TWIST2: variants seen among roughly 807,000 people sequenced by gnomAD.
TWIST2 encodes twist family bHLH transcription factor 2, also known as twist-related protein 2.
A neutral mutation model predicts 11.6 loss-of-function variants in TWIST2; 1 was observed. That is an observed-to-expected ratio of 0.09 (90% CI 0.03 to 0.41). The LOEUF (loss-of-function observed/expected upper bound fraction) is 0.41, where lower values mean the gene tolerates loss of function less well. TWIST2 is among the 10% of genes least tolerant of loss of function. TWIST2 has a pLI of 0.98. For missense variants in TWIST2, 168 were observed against 226.4 expected, an observed-to-expected ratio of 0.74 and a Z score of 1.66; for synonymous variants, 87 against 96.6, an observed-to-expected ratio of 0.90 and a Z score of 0.58.
intron 1 of TWIST2, among the ~76,000 whole-genome samples, chr2:238,860,022 G>A (rs1574748513): frequency 6.6e-6 from 1 of 152,174 alleles, no homozygotes; most frequent in South Asian, 2.1e-4. Flanking sequence ...TGTAGTGGGG[G>A]AGTCTGGTAC....
chr2:238,877,327 A>G (rs746074270), intron 1 of TWIST2, among the ~76,000 whole-genome samples: 7 of 152,198 alleles, frequency 4.6e-5, no homozygotes, highest in Non-Finnish European at 1.0e-4. Flanking sequence ...ATTATGAAAA[A>G]GAAATAGACA....
At position 238,861,953 on chromosome 2, in the gene TWIST2, G is replaced by C. The variant is rs147594867; in HGVS notation, c.*35+13220G>C. On this transcript the variant is annotated intron_variant, in intron 1 of 1. Coordinates refer to ENST00000612363, the MANE Select transcript of TWIST2 (RefSeq NM_001271893.4). ...GTACCATCCTTGGGATCGAGCATCCGCTGGGGGTCTTGGTGTGTATCCCTG... is the reference window on the plus strand; with the variant it reads ...GTACCATCCTTGGGATCGAGCATCCCCTGGGGGTCTTGGTGTGTATCCCTG... Among the ~76,000 whole-genome samples, 652 of 152,278 alleles carry C rather than the reference G, an allele frequency of 4.3e-3. 4 individuals are homozygous for C. The highest frequency in any genetic ancestry group is 0.015 in the African/African-American group (614 of 41,548).
At chr2:238,903,030 TGTGATGTGTGAGGTGTG>T (rs1693295766) in intron 1 of TWIST2, among the ~76,000 whole-genome samples, 1 of 102,186 alleles carries the variant, frequency 9.8e-6, no homozygotes, top group Admixed American at 1.0e-4. Flanking sequence ...TGTGGGTGTG[TGTGATGTGTGAGGTGTG>T]TGTGATGTGT....
chr2:238,897,387 T>C (rs2106371718), intron 1 of TWIST2, among the ~76,000 whole-genome samples: 1 of 152,232 alleles, frequency 6.6e-6, no homozygotes, highest in East Asian at 1.9e-4. Flanking sequence ...GAGGGGAGCC[T>C]GACCCCCAAG....
chr2:238,903,022 T>TG (rs1429116315), intron 1 of TWIST2, among the ~76,000 whole-genome samples: 31,982 of 37,932 alleles, frequency 0.84, 15,664 homozygotes, highest in Admixed American at 0.87. Flanking sequence ...GTGTGTGATG[T>TG]GGGTGTGTGT....
chr2:238,857,283 T>C (rs1023995919), intron 1 of TWIST2, among the ~76,000 whole-genome samples: 7 of 152,290 alleles, frequency 4.6e-5, no homozygotes, highest in Admixed American at 2.0e-4. Flanking sequence ...TGGACGGGCC[T>C]TGGAGCCCAT....
Position 238,848,572 on chromosome 2 carries a change from G to C in TWIST2, c.357G>C (p.Gln119His). The C allele has an allele frequency of 6.3e-7, 1 of 1,582,950 alleles. No homozygotes were observed. The highest frequency in any genetic ancestry group is 1.3e-5 in the African/African-American group (1 of 74,322). Residue 119 changes from glutamine (Q) to histidine (H), a missense_variant, in exon 1 of 2, where the codon CAG becomes CAC. Transcript: ENST00000612363. The part of the protein sequence containing the change: ...LAARYIDFLY[Q>H]VLQSDEMDNK... ...CCAGGTACATAGACTTCCTCTACCA[G>C]GTCCTGCAGAGCGACGAGATGGACA...
intron 1 of TWIST2, among the ~76,000 whole-genome samples, chr2:238,908,766 GTT>G (rs1333353121): frequency 6.7e-6 from 1 of 149,890 alleles, no homozygotes; most frequent in African/African-American, 2.5e-5. Flanking sequence ...TGTGGTATGT[GTT>G]TGTGTATGAG....
chr2:238,885,364 A>G (rs1693014843), intron 1 of TWIST2, among the ~76,000 whole-genome samples: 1 of 152,128 alleles, frequency 6.6e-6, no homozygotes, highest in Non-Finnish European at 1.5e-5. Flanking sequence ...GTGGTGGAAA[A>G]TGAAAAAACT....
intron 1 of TWIST2, among the ~76,000 whole-genome samples, chr2:238,899,176 T>C (rs1393950882): frequency 6.6e-6 from 1 of 152,264 alleles, no homozygotes; most frequent in Non-Finnish European, 1.5e-5. Context: ...CTGCTTGGTC[T>C]GCACGGTCCC....
At chr2:238,902,979 G>GT (rs1693293931) in intron 1 of TWIST2, among the ~76,000 whole-genome samples, 4 of 4,130 alleles carry the variant, frequency 9.7e-4, no homozygotes, top group Admixed American at 3.1e-3. Context: ...TGTGTGATGT[G>GT]GGTGTGTGAT....
intron 1 of TWIST2, among the ~76,000 whole-genome samples, chr2:238,899,203 C>T (rs2106372395): frequency 6.6e-6 from 1 of 152,380 alleles, no homozygotes; most frequent in African/African-American, 2.4e-5. Context: ...CCTAAGGCTT[C>T]AGCTGCTGGT....
intron 1 of TWIST2, among the ~76,000 whole-genome samples, chr2:238,892,078 CTGGA>C (rs1257800486): frequency 5.9e-5 from 9 of 152,180 alleles, no homozygotes; most frequent in Non-Finnish European, 1.3e-4. Context: ...GGTGTGTGGA[CTGGA>C]ACCCGCCTGC....
At chr2:238,893,365 T>C (rs1035336435) in intron 1 of TWIST2, among the ~76,000 whole-genome samples, 5 of 152,204 alleles carry the variant, frequency 3.3e-5, no homozygotes, top group African/African-American at 1.2e-4. Flanking sequence ...GTTACAGATA[T>C]GGCTTATGGT....
In TWIST2 at chr2:238,864,575, C is replaced by T. The variant is rs1228645123; in HGVS notation, c.*35+15842C>T. ...CCAGGTCAGCCTGGGGAGGGGAGAA[C>T]TAAGGGCACCAGGCAGCCCACCCGG... On this transcript the variant is annotated intron_variant, in intron 1 of 1. Coordinates refer to ENST00000612363, the MANE Select transcript of TWIST2 (RefSeq NM_001271893.4). This position sits in a 1 kb window ranked among gnomAD's most constrained non-coding sequence, Gnocchi z 4.7. Among the ~76,000 whole-genome samples, 1 of 152,014 alleles carries T rather than the reference C, an allele frequency of 6.6e-6. No individual in the cohort carries two copies. The highest frequency in any genetic ancestry group is 6.5e-5 in the Admixed American group (1 of 15,268).
intron 1 of TWIST2, among the ~76,000 whole-genome samples, chr2:238,893,773 A>T (rs996291730): frequency 2.0e-5 from 3 of 152,092 alleles, no homozygotes; most frequent in Non-Finnish European, 4.4e-5. Flanking sequence ...GTCCCACCAA[A>T]CGTGTGGAAG....
intron 1 of TWIST2, among the ~76,000 whole-genome samples, chr2:238,906,147 A>G (rs1693351230): frequency 6.6e-6 from 1 of 151,894 alleles, no homozygotes; most frequent in Admixed American, 6.6e-5. Flanking sequence ...GGGTTGGGAG[A>G]GGGCTGGGGG....
At chr2:238,909,193 G>GTGTGGTGT (rs1370236484) in intron 1 of TWIST2, among the ~76,000 whole-genome samples, 28 of 5,378 alleles carry the variant, frequency 5.2e-3, no homozygotes, top group Non-Finnish European at 5.8e-3. Context: ...TGGTATGTTT[G>GTGTGGTGT]GTGTGTGTGT....
At chr2:238,869,510 T>G (rs980579680) in intron 1 of TWIST2, among the ~76,000 whole-genome samples, 5 of 152,194 alleles carry the variant, frequency 3.3e-5, no homozygotes, top group African/African-American at 1.2e-4. Context: ...ACAATAAAAA[T>G]TAGATAGCCT....
Sources: gnomAD v4.1 joint callset for allele counts (sites outside exome capture counted in the v4.1 genomes callset) on GRCh38, gnomAD v4.1.1 for gene constraint, Gnocchi (gnomAD v3.1) non-coding constraint, MANE v1.5 for transcripts, NCBI Gene and HGNC (gene_info 2026-07-23, HGNC 2026-07-21) for gene names.